Variants in LYPLAL1 observed in about 807,000 individuals in gnomAD.
The protein encoded by LYPLAL1 is lysophospholipase-like protein 1.
In LYPLAL1, 23 loss-of-function variants were observed where a neutral mutation model predicts 19.7. The ratio of observed to expected loss-of-function variants is 1.17; its 90% CI spans 0.84 to 1.65. The LOEUF is 1.65. LYPLAL1 is among the 40% of genes most tolerant of loss of function. The probability of loss-of-function intolerance (pLI) is 0.00; values close to 1 mark genes in which losing one functional copy is unlikely to be tolerated. For synonymous variants in LYPLAL1, 119 were observed against 96.3 expected (o/e 1.24, Z -1.38); for missense variants, 355 against 279.4 (o/e 1.27, Z -1.93).
chr1:219,244,508 C>G, the LYPLAL1 span, among the ~76,000 whole-genome samples: 1 of 152,202 alleles, frequency 6.6e-6, no homozygotes, highest in African/African-American at 2.4e-5. Flanking sequence ...GCATCATCAG[C>G]TTTCTCAGTG....
the LYPLAL1 span, among the ~76,000 whole-genome samples, chr1:219,302,217 T>G: frequency 6.6e-6 from 1 of 152,198 alleles, no homozygotes; most frequent in African/African-American, 2.4e-5. Flanking sequence ...TCAGAGGTGC[T>G]TCAATAACTG....
At chr1:219,243,821 A>G in the LYPLAL1 span, among the ~76,000 whole-genome samples, 1 of 151,476 alleles carries the variant, frequency 6.6e-6, no homozygotes, top group African/African-American at 2.4e-5. Flanking sequence ...TGGGAGGCTG[A>G]GACAGGAGAA....
the LYPLAL1 span, among the ~76,000 whole-genome samples, chr1:219,274,608 A>T: frequency 6.6e-6 from 1 of 151,850 alleles, no homozygotes; most frequent in Non-Finnish European, 1.5e-5. Flanking sequence ...CTGGTCTCGA[A>T]CTCCTGACCT....
chr1:219,198,694 T>C (rs185137700), intron 3 of LYPLAL1: 24 of 152,300 alleles, frequency 1.6e-4, no homozygotes, highest in Admixed American at 1.6e-3. Context: ...CTTTTCATTC[T>C]GATGTATAAG....
At chr1:219,179,084 C>G in intron 1 of LYPLAL1, 63 bp from the exon 2 acceptor site, 1 of 1,146,186 alleles carries the variant, frequency 8.7e-7, no homozygotes. Context: ...AAGTTTTAGA[C>G]TGCTTTGAAA....
At chr1:219,236,523 A>G in the LYPLAL1 span, among the ~76,000 whole-genome samples, 1 of 152,172 alleles carries the variant, frequency 6.6e-6, no homozygotes, top group African/African-American at 2.4e-5. Context: ...GGAATCCCTA[A>G]CTGTCAATAA....
chr1:219,230,105 C>G, the LYPLAL1 span, among the ~76,000 whole-genome samples: 1 of 152,106 alleles, frequency 6.6e-6, no homozygotes, highest in African/African-American at 2.4e-5. Context: ...AACTTAAAAA[C>G]TGTATGGTAG....
At chr1:219,224,800 T>G in the LYPLAL1 span, among the ~76,000 whole-genome samples, 1 of 152,294 alleles carries the variant, frequency 6.6e-6, no homozygotes, top group East Asian at 1.9e-4. Context: ...CCCAATCTAA[T>G]GTTTATAGTC....
chr1:219,261,683 AAGAT>A, the LYPLAL1 span, among the ~76,000 whole-genome samples: 6 of 152,320 alleles, frequency 3.9e-5, no homozygotes, highest in African/African-American at 1.4e-4. Flanking sequence ...GAGGAGACTG[AAGAT>A]AGATCCTCAA....
the LYPLAL1 span, among the ~76,000 whole-genome samples, chr1:219,342,685 T>G: frequency 1.3e-5 from 2 of 152,182 alleles, no homozygotes; most frequent in Non-Finnish European, 2.9e-5. Context: ...AAGTTAAGGC[T>G]GCATAAAGAC....
the LYPLAL1 span, among the ~76,000 whole-genome samples, chr1:219,425,773 GGTC>G: frequency 2.6e-5 from 4 of 152,084 alleles, no homozygotes; most frequent in Admixed American, 6.5e-5. Context: ...CTACCATTCT[GGTC>G]ATACCATACA....
At chr1:219,306,950 A>G in the LYPLAL1 span, among the ~76,000 whole-genome samples, 1 of 151,644 alleles carries the variant, frequency 6.6e-6, no homozygotes, top group African/African-American at 2.4e-5. Context: ...GCCAAACTCA[A>G]TGAATACATT....
At chr1:219,174,239 GCCCTCCATC>G in intron 1 of LYPLAL1, 1 of 1,377,596 alleles carries the variant, frequency 7.3e-7, no homozygotes, top group Non-Finnish European at 9.4e-7. Context: ...CGCTCAGCCA[GCCCTCCATC>G]CCCACAACAC....
At chr1:219,383,742 A>G in the LYPLAL1 span, among the ~76,000 whole-genome samples, 3 of 152,218 alleles carry the variant, frequency 2.0e-5, no homozygotes, top group Non-Finnish European at 4.4e-5. Context: ...ATAGTAGCAT[A>G]TATTCCACTG....
the LYPLAL1 span, among the ~76,000 whole-genome samples, chr1:219,325,277 T>TA: frequency 6.6e-6 from 1 of 152,206 alleles, no homozygotes; most frequent in Non-Finnish European, 1.5e-5. Context: ...ACACTTGTAC[T>TA]ACAAGATTTG....
At chr1:219,265,970 G>A in the LYPLAL1 span, among the ~76,000 whole-genome samples, 1 of 152,098 alleles carries the variant, frequency 6.6e-6, no homozygotes, top group East Asian at 1.9e-4. Context: ...TTGCTCTGGG[G>A]TGGCAGGTGA....
intron 2 of LYPLAL1, among the ~76,000 whole-genome samples, chr1:219,192,238 C>T (rs989534837): frequency 6.6e-6 from 1 of 151,552 alleles, no homozygotes; most frequent in South Asian, 2.1e-4. Flanking sequence ...GTCTTTTAGC[C>T]GTCTATTTTT....
chr1:219,245,085 CTTCT>C, the LYPLAL1 span, among the ~76,000 whole-genome samples: 640 of 144,186 alleles, frequency 4.4e-3, 5 homozygotes, highest in Non-Finnish European at 7.0e-3. Flanking sequence ...CTTCCTCTTT[CTTCT>C]TTCTCTTTCT....
chr1:219,192,559 C>T (rs1276248744), intron 2 of LYPLAL1, among the ~76,000 whole-genome samples: 2 of 151,584 alleles, frequency 1.3e-5, no homozygotes, highest in Non-Finnish European at 1.5e-5. Flanking sequence ...ATTTGGAAAA[C>T]ATTTGTTCTC....
Sources: allele counts gnomAD v4.1 joint callset (sites outside exome capture counted in the v4.1 genomes callset), GRCh38; gene constraint gnomAD v4.1.1; transcripts MANE v1.5; gene names NCBI Gene and HGNC (gene_info 2026-07-23, HGNC 2026-07-21).